Variants in B3GAT2 observed in about 807,000 individuals in gnomAD.
B3GAT2 encodes the protein beta-1,3-glucuronyltransferase 2, also known as galactosylgalactosylxylosylprotein 3-beta-glucuronosyltransferase 2.
A neutral mutation model predicts 27.8 loss-of-function variants in B3GAT2; 26 were observed. The observed-to-expected ratio is 0.93, with a 90% CI of 0.68 to 1.30. The LOEUF (loss-of-function observed/expected upper bound fraction) is 1.30, where lower values mean the gene tolerates loss of function less well. Among genes scored for constraint, B3GAT2 ranks in the 50% most tolerant of loss-of-function variants. The pLI is 0.00. For missense variants in B3GAT2, 458 were observed against 459.0 expected, an observed-to-expected ratio of 1.00 and a Z score of 0.02; for synonymous variants, 218 against 195.1, an observed-to-expected ratio of 1.12 and a Z score of -0.98.
At chr6:70,892,770 C>G (rs932379800) in intron 2 of B3GAT2, among the ~76,000 whole-genome samples, 5 of 152,174 alleles carry the variant, frequency 3.3e-5, no homozygotes, top group African/African-American at 4.8e-5. Flanking sequence ...CAGCAAGAAG[C>G]CCGATTTTCA....
chr6:70,898,639 C>T (rs1488783310), intron 1 of B3GAT2, among the ~76,000 whole-genome samples: 1 of 152,190 alleles, frequency 6.6e-6, no homozygotes, highest in African/African-American at 2.4e-5. Flanking sequence ...TCCTAAACTG[C>T]TTTTGCCCAG....
chr6:70,946,799 C>T (rs1765492272), intron 1 of B3GAT2, among the ~76,000 whole-genome samples: 1 of 151,540 alleles, frequency 6.6e-6, no homozygotes, highest in Admixed American at 6.6e-5. Context: ...CACCACACCA[C>T]ACCTATTCCA....
intron 2 of B3GAT2, among the ~76,000 whole-genome samples, chr6:70,890,674 C>T (rs577549373): frequency 5.3e-5 from 8 of 152,302 alleles, no homozygotes; most frequent in East Asian, 3.9e-4. Context: ...GACTCTCCAG[C>T]GCGTGGGGGG....
At position 70,858,003 on chromosome 6, in the gene B3GAT2, C is replaced by T. The variant is rs1771507815; in HGVS notation, c.*3660G>A. 3.7e-6 allele frequency: 6 copies of T among 1,614,036 alleles called. No individual in the cohort carries two copies. The highest frequency in any genetic ancestry group is 1.7e-5 in the Admixed American group (1 of 60,010). On this transcript the variant is annotated 3_prime_UTR_variant, in exon 4 of 4. Transcript: ENST00000230053. ...CAGGGCTTTCCATCGATGGGCGTGC[C>T]TGTGCCTGCAGCTCCTGGCCTTATA... is the stretch of plus-strand genomic sequence containing the variant.
At position 70,861,752 on chromosome 6, in the gene B3GAT2, G is replaced by T; in HGVS notation, c.886-3C>A. Reference sequence around the variant, plus strand: ...GTCCGAGTGTGCCACACGAGAACCTGAAGGGGAAGGAAATAGCTTGGGTAG... The same window carrying T: ...GTCCGAGTGTGCCACACGAGAACCTTAAGGGGAAGGAAATAGCTTGGGTAG... On this transcript the variant is annotated splice_polypyrimidine_tract_variant and splice_region_variant and intron_variant, in intron 3 of 3. Coordinates refer to ENST00000230053, the MANE Select transcript of B3GAT2 (RefSeq NM_080742.3). 6.2e-7 allele frequency: 1 copy of T among 1,614,104 alleles called. No homozygotes were observed. The highest frequency in any genetic ancestry group is 8.5e-7 in the Non-Finnish European group (1 of 1,179,982).
intron 2 of B3GAT2, among the ~76,000 whole-genome samples, chr6:70,887,628 G>T (rs684463): frequency 6.6e-6 from 1 of 151,918 alleles, no homozygotes; most frequent in African/African-American, 2.4e-5. Context: ...TCGGGGTGGC[G>T]GAGCCTCAAC....
At chr6:70,944,720 G>T (rs1765450114) in intron 1 of B3GAT2, among the ~76,000 whole-genome samples, 1 of 152,108 alleles carries the variant, frequency 6.6e-6, no homozygotes, top group African/African-American at 2.4e-5. Context: ...AAAGAGCAGT[G>T]GTTCTCCCAG....
chr6:70,955,748 C>T, intron 1 of B3GAT2, 91 bp downstream of exon 1: 12 of 1,378,586 alleles, frequency 8.7e-6, no homozygotes, highest in Middle Eastern at 3.9e-4. Flanking sequence ...CAAAAGTGCA[C>T]CCGGAGTGCA....
rs780329540 is a variant in B3GAT2, at chr6:70,856,860, G to A, written c.*4803C>T. Reference sequence around the variant, plus strand: ...AGCTTATTTTGGTGTTTGTCTCAGGGGACACCCTCTGCACCAGCAGCTGCA... The same window carrying A: ...AGCTTATTTTGGTGTTTGTCTCAGGAGACACCCTCTGCACCAGCAGCTGCA... On this transcript the variant is annotated 3_prime_UTR_variant, in exon 4 of 4. Transcript: ENST00000230053. 3.1e-6 allele frequency: 5 copies of A among 1,607,720 alleles called. No individual in the cohort carries two copies. In the South Asian group the frequency reaches 5.6e-5, roughly 18 times the overall value.
intron 2 of B3GAT2, among the ~76,000 whole-genome samples, chr6:70,866,587 C>G (rs547805703): frequency 6.6e-6 from 1 of 152,078 alleles, no homozygotes; most frequent in South Asian, 2.1e-4. Context: ...AGAGGAGACA[C>G]TGCAGAATAA....
intron 1 of B3GAT2, among the ~76,000 whole-genome samples, chr6:70,930,727 A>G (rs1350163111): frequency 6.6e-6 from 1 of 152,218 alleles, no homozygotes; most frequent in Non-Finnish European, 1.5e-5. Flanking sequence ...ACACTTTTAC[A>G]CTGTTGGTGG....
intron 1 of B3GAT2, among the ~76,000 whole-genome samples, chr6:70,900,130 G>A (rs899447315): frequency 6.6e-6 from 1 of 152,176 alleles, no homozygotes; most frequent in African/African-American, 2.4e-5. Flanking sequence ...ATATTCTGTG[G>A]TTTATTCCTC....
At position 70,870,625 on chromosome 6, in the gene B3GAT2, C is replaced by A. The variant is rs982547455; in HGVS notation, c.737-8647G>T. Among the ~76,000 whole-genome samples the A allele has an allele frequency of 7.9e-5, 12 of 151,902 alleles. No individual in the cohort carries two copies. The East Asian group carries it at 2.1e-3, about 27-fold the overall frequency. On this transcript the variant is annotated intron_variant, in intron 2 of 3. Coordinates refer to ENST00000230053, the MANE Select transcript of B3GAT2 (RefSeq NM_080742.3). The stretch of plus-strand genomic sequence containing the variant: ...CATGTAAATAAACCCTCAAGAAAAT[C>A]TCTTAAAAACAAACAAACAAACAAA...
Position 70,858,402 on chromosome 6 carries a change from G to GATAGACA in B3GAT2, c.*3254_*3260dup, listed in dbSNP as rs1038965682. On this transcript the variant is annotated 3_prime_UTR_variant, in exon 4 of 4. Transcript: ENST00000230053. The stretch of plus-strand genomic sequence containing the variant: ...CTATAAATATTATGAAGTTGTATCA[G>GATAGACA]ATAGACAAATGATGTGTTATTATCG... 1.8e-6 allele frequency: 1 copy of GATAGACA among 558,894 alleles called. No individual in the cohort carries two copies. Among genetic ancestry groups the GATAGACA allele is most frequent in the Non-Finnish European group, 2.9e-6 (1 of 345,348 alleles). 34.6% of individuals were successfully genotyped at this position (558,894 alleles called of 1,614,324 possible). A position where few individuals can be genotyped will look rare whatever the true frequency, so the allele number is the denominator to read the frequency against.
At chr6:70,882,050 T>C (rs996805108) in intron 2 of B3GAT2, among the ~76,000 whole-genome samples, 1 of 152,118 alleles carries the variant, frequency 6.6e-6, no homozygotes, top group African/African-American at 2.4e-5. Flanking sequence ...CCCTCAACCA[T>C]TCTGGATAAA....
At chr6:70,925,108 C>T (rs1034012785) in intron 1 of B3GAT2, among the ~76,000 whole-genome samples, 3 of 152,186 alleles carry the variant, frequency 2.0e-5, no homozygotes, top group African/African-American at 7.2e-5. Flanking sequence ...GCCAACCAAT[C>T]AGCAGCACTC....
At chr6:70,901,669 C>T (rs1772501396) in intron 1 of B3GAT2, among the ~76,000 whole-genome samples, 1 of 152,220 alleles carries the variant, frequency 6.6e-6, no homozygotes, top group African/African-American at 2.4e-5. Flanking sequence ...ACAGTGTCCC[C>T]ATCATTCCCC....
At chr6:70,876,082 T>G (rs1772009545) in intron 2 of B3GAT2, among the ~76,000 whole-genome samples, 1 of 152,184 alleles carries the variant, frequency 6.6e-6, no homozygotes, top group Admixed American at 6.5e-5. Context: ...AAATAAACCC[T>G]TCAGAGTTTA....
chr6:70,909,619 G>A (rs1222328140), intron 1 of B3GAT2, among the ~76,000 whole-genome samples: 1 of 152,206 alleles, frequency 6.6e-6, no homozygotes, highest in South Asian at 2.1e-4. Context: ...GATGATGTAT[G>A]TAAAGTGCTT....
Sources: allele counts gnomAD v4.1 joint callset (sites outside exome capture counted in the v4.1 genomes callset), GRCh38; gene constraint gnomAD v4.1.1; transcripts MANE v1.5; gene names NCBI Gene and HGNC (gene_info 2026-07-23, HGNC 2026-07-21).